Variants in ERVFRD-1 observed in about 807,000 individuals in gnomAD.
ERVFRD-1 encodes the protein syncytin-2.
Under a neutral mutation model 43.8 loss-of-function variants are expected in ERVFRD-1, and 33 were observed. The ratio of observed to expected loss-of-function variants is 0.75; its 90% confidence interval spans 0.57 to 1.01. The LOEUF (loss-of-function observed/expected upper bound fraction) is 1.01. ERVFRD-1 is among the 50% of genes least tolerant of loss of function. The pLI is 0.00. For synonymous variants in ERVFRD-1, 239 were observed against 244.4 expected (o/e 0.98, Z 0.21); for missense variants, 568 against 658.4 (o/e 0.86, Z 1.50).
intron 1 of ERVFRD-1, among the ~76,000 whole-genome samples, chr6:11,109,271 C>T (rs957868495): frequency 6.6e-6 from 1 of 152,214 alleles, no homozygotes; most frequent in African/African-American, 2.4e-5. Flanking sequence ...CCTCCATAAA[C>T]TTCCCTAGTT....
In ERVFRD-1 at chr6:11,104,818, G is replaced by C. The variant is rs759681553; in HGVS notation, c.493C>G (p.Gln165Glu). Residue 165 changes from glutamine (Q) to glutamate (E), a missense_variant, in exon 2 of 2, where the codon CAA (glutamine) becomes GAA (glutamate). Transcript: ENST00000472091. ...QQTYQTYTHN[Q>E]FRHQPRFPKP... is the part of the protein sequence containing the mutation. ...GGGAATCTTGGTTGATGGCGGAATT[G>C]GTTGTGGGTGTATGTTTGGTAAGTC... 6.2e-7 allele frequency: 1 copy of C among 1,614,224 alleles called. No individual in the cohort carries two copies. Among genetic ancestry groups the C allele is most frequent in the Non-Finnish European group, 8.5e-7 (1 of 1,180,036 alleles).
chr6:11,103,596 T>C lies in ERVFRD-1; in HGVS notation c.*98A>G. 6.9e-7 allele frequency: 1 copy of C among 1,453,604 alleles called. No homozygotes were observed. Among genetic ancestry groups the C allele is most frequent in the South Asian group, 1.5e-5 (1 of 68,012 alleles). The allele number at this position is 1,453,604 out of a possible 1,614,324, so 90.0% of individuals were successfully genotyped here. On this transcript the variant is annotated 3_prime_UTR_variant, in exon 2 of 2. Transcript: ENST00000472091. ...GCTAGCTGTCAGGGCAGGATGGCTC[T>C]GTGGATTGGCAAAAACCATATCCAG...
rs1237268716 is a variant in ERVFRD-1, at chr6:11,104,281, G to A, written c.1030C>T (p.Pro344Ser). Residue 344 changes from proline (P) to serine (S), a missense_variant, in exon 2 of 2, where the codon CCG (proline) becomes TCG (serine). By Grantham distance (74) the Pro-to-Ser change is moderately conservative. Transcript: ENST00000472091. ...SLPIPIYGNS[P>S]LPRVRRAIHF... Reference sequence around the variant, plus strand: ...ATTGCCCTCCTCACCCTGGGCAACGGGGAATTCCCATAGATTGGTATTGGA... The same window carrying A: ...ATTGCCCTCCTCACCCTGGGCAACGAGGAATTCCCATAGATTGGTATTGGA... The A allele has an allele frequency of 6.4e-7, 1 of 1,551,724 alleles. No homozygotes were observed. Among genetic ancestry groups the A allele is most frequent in the South Asian group, 1.2e-5 (1 of 84,064 alleles).
Position 11,105,380 on chromosome 6 carries a change from T to A in ERVFRD-1, c.-70A>T. ...CTCCTGGTGGTGTACAAGTTAGGGT[T>A]AAAATAGTGATAACAATCAGAGCAA... On this transcript the variant is annotated 5_prime_UTR_variant, in exon 2 of 2. Transcript: ENST00000472091. 1 of 1,169,740 alleles carries A rather than the reference T, an allele frequency of 8.5e-7. No homozygotes were observed. The highest frequency in any genetic ancestry group is 1.2e-6 in the Non-Finnish European group (1 of 821,702). 72.5% of individuals were successfully genotyped at this position (1,169,740 alleles called of 1,614,324 possible).
At chr6:11,111,291 C>A (rs557956017) in intron 1 of ERVFRD-1, among the ~76,000 whole-genome samples, 1 of 152,068 alleles carries the variant, frequency 6.6e-6, no homozygotes, top group Non-Finnish European at 1.5e-5. Flanking sequence ...AATGGGTGTG[C>A]GAGGTCATTT....
Position 11,104,825 on chromosome 6 carries a change from G to T in ERVFRD-1, c.486C>A (p.Thr162=). 6.2e-7 allele frequency: 1 copy of T among 1,614,158 alleles called. No homozygotes were observed. The highest frequency in any genetic ancestry group is 8.5e-7 in the Non-Finnish European group (1 of 1,180,032). Residue 162 remains threonine, a synonymous_variant, in exon 2 of 2, where the codon ACC becomes ACA. Transcript: ENST00000472091. ...DSNQQTYQTY[T]HNQFRHQPRF... is the part of the protein sequence containing the mutation. The stretch of plus-strand genomic sequence containing the variant: ...TTGGTTGATGGCGGAATTGGTTGTG[G>T]GTGTATGTTTGGTAAGTCTGTTGGT...
Position 11,105,031 on chromosome 6 carries a change from AAAG to A in ERVFRD-1, c.277_279del (p.Leu93del), listed in dbSNP as rs773979486. The A allele has an allele frequency of 1.2e-6, 2 of 1,614,192 alleles. No individual in the cohort carries two copies. The highest frequency in any genetic ancestry group is 2.2e-5 in the East Asian group (1 of 44,886). On this transcript the variant is annotated inframe_deletion, in exon 2 of 2. Transcript: ENST00000472091. ...TCAGGGAAATCTTGCTTTACTGTTG[AAAG>A]AAGACTATTTGCAGGCCTCATCAGT...
chr6:11,109,940 C>T (rs542740005), intron 1 of ERVFRD-1, among the ~76,000 whole-genome samples: 1 of 152,274 alleles, frequency 6.6e-6, no homozygotes, highest in East Asian at 1.9e-4. Flanking sequence ...GTGGGTAGGG[C>T]ATTACCCCAT....
At position 11,104,622 on chromosome 6, in the gene ERVFRD-1, A is replaced by T; in HGVS notation, c.689T>A (p.Leu230Ter). ...NLSSTAEWVL[L>*]DQTRNSLFWE... Reference sequence around the variant, plus strand: ...AAAAAGAGAATTTCGAGTTTGGTCCAATAGAACCCATTCCGCTGTAGAGCT... The same window carrying T: ...AAAAAGAGAATTTCGAGTTTGGTCCTATAGAACCCATTCCGCTGTAGAGCT... The change falls in exon 2 of 2, where the codon TTG (leucine) becomes TAG (stop). Residue 230 changes from leucine (L) to a stop codon, truncating the protein, a stop_gained. Transcript: ENST00000472091. LOFTEE classifies it high-confidence loss of function. 1 of 1,614,224 alleles carries T rather than the reference A, an allele frequency of 6.2e-7. No homozygotes were observed. Among genetic ancestry groups the T allele is most frequent in the Non-Finnish European group, 8.5e-7 (1 of 1,180,038 alleles).
At chr6:11,108,990 A>G (rs1581914105) in intron 1 of ERVFRD-1, among the ~76,000 whole-genome samples, 1 of 152,100 alleles carries the variant, frequency 6.6e-6, no homozygotes, top group African/African-American at 2.4e-5. Context: ...CATTCCTTCT[A>G]TCAGATAGAG....
intron 1 of ERVFRD-1, 42 bp downstream of exon 1, chr6:11,111,635 A>G (rs1052352205): frequency 2.6e-5 from 4 of 152,266 alleles, no homozygotes; most frequent in African/African-American, 7.2e-5. Context: ...ACGAGGGTTG[A>G]ACGCCTCCAG....
In ERVFRD-1 at chr6:11,105,402, G is replaced by A. The variant is rs1241456777; in HGVS notation, c.-92C>T. The A allele has an allele frequency of 1.1e-6, 1 of 915,996 alleles. No homozygotes were observed. The highest frequency in any genetic ancestry group is 1.6e-6 in the Non-Finnish European group (1 of 607,348). The allele number at this position is 915,996 out of a possible 1,614,324, so 56.7% of individuals were successfully genotyped here. A position where few individuals can be genotyped will look rare whatever the true frequency, so the allele number is the denominator to read the frequency against. ...GGTTAAAATAGTGATAACAATCAGAGCAATTGCCAGTAAAATTTCTAGTAT... is the reference window on the plus strand; with the variant it reads ...GGTTAAAATAGTGATAACAATCAGAACAATTGCCAGTAAAATTTCTAGTAT... On this transcript the variant is annotated 5_prime_UTR_variant, in exon 2 of 2. Coordinates refer to ENST00000472091, the MANE Select transcript of ERVFRD-1 (RefSeq NM_207582.3).
At chr6:11,108,762 G>A (rs533991291) in intron 1 of ERVFRD-1, among the ~76,000 whole-genome samples, 1 of 152,344 alleles carries the variant, frequency 6.6e-6, no homozygotes, top group Non-Finnish European at 1.5e-5. Context: ...CTGGGATCCA[G>A]TGCTAGTTTC....
chr6:11,106,837 A>T (rs1028708011), intron 1 of ERVFRD-1, among the ~76,000 whole-genome samples: 8 of 152,202 alleles, frequency 5.3e-5, no homozygotes. Flanking sequence ...TAATAGCTCT[A>T]AGATTTGAGG....
At position 11,109,097 on chromosome 6, in the gene ERVFRD-1, A is replaced by G. The variant is rs773423502; in HGVS notation, c.-321+2580T>C. ...TGGTGGCCCCCACAGGGTAGCCACC[A>G]GTGTCAGGCATGTGCATTGTGTTTG... On this transcript the variant is annotated intron_variant, in intron 1 of 1. Transcript: ENST00000472091. Among the ~76,000 whole-genome samples the G allele has an allele frequency of 4.7e-4, 72 of 152,340 alleles. 1 individual carries two copies. Among genetic ancestry groups the G allele is most frequent in the Non-Finnish European group, 8.2e-4 (56 of 68,030 alleles).
In ERVFRD-1 at chr6:11,105,237, A is replaced by G. The variant is rs760973196; in HGVS notation, c.74T>C (p.Leu25Ser). ...TTGGAGCAGTTGCTGAGCTTTTTCC[A>G]ATAACGGGAAATCAGGATGGCGGTA... Reference protein sequence around the residue: ...AAYRHPDFPLLEKAQQLLQST... With the variant: ...AAYRHPDFPLSEKAQQLLQST... The change falls in exon 2 of 2, where the codon TTG (leucine) becomes TCG (serine). Residue 25 changes from leucine to serine, a missense_variant. By Grantham distance (145) the Leu-to-Ser change is moderately radical. Coordinates refer to ENST00000472091, the MANE Select transcript of ERVFRD-1 (RefSeq NM_207582.3). The G allele has an allele frequency of 6.2e-7, 1 of 1,614,044 alleles. No individual in the cohort carries two copies. The highest frequency in any genetic ancestry group is 8.5e-7 in the Non-Finnish European group (1 of 1,180,036).
In ERVFRD-1 at chr6:11,104,636, C is replaced by T. The variant is rs559395063; in HGVS notation, c.675G>A (p.Ala225=). The change falls in exon 2 of 2, where the codon GCG becomes GCA. Residue 225 remains alanine (A), a synonymous_variant. Coordinates refer to ENST00000472091, the MANE Select transcript of ERVFRD-1 (RefSeq NM_207582.3). Reference sequence around the variant, plus strand: ...GAGTTTGGTCCAATAGAACCCATTCCGCTGTAGAGCTGAGGTTGGAAATTT... The same window carrying T: ...GAGTTTGGTCCAATAGAACCCATTCTGCTGTAGAGCTGAGGTTGGAAATTT... ...CLQISNLSST[A]EWVLLDQTRN... The T allele has an allele frequency of 3.3e-5, 54 of 1,614,186 alleles. No individual in the cohort carries two copies. The highest frequency in any genetic ancestry group is 1.5e-4 in the South Asian group (14 of 91,082).
chr6:11,111,261 A>G (rs950763043), intron 1 of ERVFRD-1, among the ~76,000 whole-genome samples: 1 of 152,176 alleles, frequency 6.6e-6, no homozygotes, highest in South Asian at 2.1e-4. Context: ...AGACAGACTT[A>G]CCCCCAAGGC....
At position 11,103,786 on chromosome 6, in the gene ERVFRD-1, G is replaced by A; in HGVS notation, c.1525C>T (p.Gln509Ter). The A allele has an allele frequency of 6.4e-6, 10 of 1,551,656 alleles. No individual in the cohort carries two copies. The highest frequency in any genetic ancestry group is 8.7e-6 in the Non-Finnish European group (10 of 1,146,984). Residue 509 changes from glutamine to a stop codon, truncating the protein, a stop_gained, in exon 2 of 2, where the codon CAA (glutamine) becomes TAA (stop). Coordinates refer to ENST00000472091, the MANE Select transcript of ERVFRD-1 (RefSeq NM_207582.3). LOFTEE classifies it high-confidence loss of function. ...FGPCLLNLIT[Q>*]FVSSRLQAIK... ...GCCTGAAGGCGAGAGGAGACAAATT[G>A]GGTTATTAGATTTAGGAGACATGGA...
Sources: gnomAD v4.1 joint callset for allele counts (sites outside exome capture counted in the v4.1 genomes callset) on GRCh38, gnomAD v4.1.1 for gene constraint, MANE v1.5 for transcripts, NCBI Gene and HGNC (gene_info 2026-07-23, HGNC 2026-07-21) for gene names.